The following ELP4 variants were observed in gnomAD, a reference collection of about 807,000 sequenced individuals.
ELP4 encodes the protein elongator acetyltransferase complex subunit 4.
ELP4 carries 51 observed loss-of-function variants against 48.9 expected under a neutral mutation model. The ratio of observed to expected loss-of-function variants is 1.04; its 90% CI spans 0.83 to 1.32. ELP4 has a LOEUF of 1.32. ELP4 is among the 40% of genes most tolerant of loss of function. The pLI, the probability that ELP4 is intolerant of heterozygous loss-of-function variation, is 0.00. For synonymous variants in ELP4, 210 were observed against 189.2 expected, an observed-to-expected ratio of 1.11 and a Z score of -0.90; for missense variants, 519 against 514.6, an observed-to-expected ratio of 1.01 and a Z score of -0.08.
At chr11:31,643,149 C>T (rs1374259105) in intron 7 of ELP4, among the ~76,000 whole-genome samples, 1 of 151,784 alleles carries the variant, frequency 6.6e-6, no homozygotes, top group Non-Finnish European at 1.5e-5. Context: ...ACCACTACAT[C>T]ATGTATTATG....
At chr11:31,604,010 T>C (rs1004239985) in intron 5 of ELP4, 103 bp downstream of exon 5, 14 of 776,982 alleles carry the variant, frequency 1.8e-5, no homozygotes, top group Non-Finnish European at 2.5e-5. Flanking sequence ...GTAAATATCA[T>C]AATAATAAAT....
chr11:31,549,194 C>G (rs373357940), intron 3 of ELP4, among the ~76,000 whole-genome samples: 4 of 151,284 alleles, frequency 2.6e-5, no homozygotes, highest in Non-Finnish European at 5.9e-5. Context: ...TCAGAGTGAA[C>G]AGGCAACCCA....
chr11:31,544,306 A>G (rs142162504), intron 3 of ELP4, among the ~76,000 whole-genome samples: 4,350 of 152,288 alleles, frequency 0.029, 206 homozygotes, highest in African/African-American at 0.099. Context: ...TGAATACTGC[A>G]CTTTTCAGAT....
intron 9 of ELP4, among the ~76,000 whole-genome samples, chr11:31,758,555 A>G (rs1947878973): frequency 1.3e-5 from 2 of 152,180 alleles, no homozygotes; most frequent in African/African-American, 4.8e-5. Flanking sequence ...TGCCCAACCC[A>G]AGTTTTGTCA....
chr11:31,783,340 A>G (rs1425853636), intron 9 of ELP4, 53 bp from the exon 10 acceptor site: 2 of 1,566,034 alleles, frequency 1.3e-6, no homozygotes, highest in South Asian at 2.3e-5. Flanking sequence ...AAGCAAAATT[A>G]ATTTTTTTTC....
At chr11:31,709,486 A>G (rs1267262919) in intron 9 of ELP4, among the ~76,000 whole-genome samples, 2 of 152,140 alleles carry the variant, frequency 1.3e-5, no homozygotes, top group African/African-American at 4.8e-5. Flanking sequence ...CTCTGTAATG[A>G]TACCAAGTCT....
At chr11:31,745,027 G>A (rs1947549799) in intron 9 of ELP4, among the ~76,000 whole-genome samples, 1 of 152,154 alleles carries the variant, frequency 6.6e-6, no homozygotes. Context: ...AAGCTGATAA[G>A]CAACTTCAGC....
At chr11:31,548,265 C>G (rs906670417) in intron 3 of ELP4, among the ~76,000 whole-genome samples, 1 of 152,142 alleles carries the variant, frequency 6.6e-6, no homozygotes, top group Non-Finnish European at 1.5e-5. Context: ...ATCTCCTTAG[C>G]GGATAAGCAA....
At position 31,594,020 on chromosome 11, in the gene ELP4, C is replaced by T. The variant is rs184733718; in HGVS notation, c.382-750C>T. 7.1e-3 allele frequency among the ~76,000 whole-genome samples: 1,081 copies of T among 152,274 alleles called. 9 individuals are homozygous for T. Among genetic ancestry groups the T allele is most frequent in the Non-Finnish European group, 9.9e-3 (675 of 67,990 alleles). ...TTATATTTACTAATCCAATGCCCTA[C>T]ATTATCTTTATGATTCTAATAGAAA... is the stretch of plus-strand genomic sequence containing the variant. On this transcript the variant is annotated intron_variant, in intron 3 of 9. Coordinates refer to ENST00000640961, the MANE Select transcript of ELP4 (RefSeq NM_019040.5).
At chr11:31,756,506 TTGAC>T (rs1947835110) in intron 9 of ELP4, among the ~76,000 whole-genome samples, 1 of 152,212 alleles carries the variant, frequency 6.6e-6, no homozygotes, top group Non-Finnish European at 1.5e-5. Context: ...CCTTTTAAAT[TTGAC>T]TGGAGCAGTA....
chr11:31,550,077 T>C (rs1956817029), intron 3 of ELP4, among the ~76,000 whole-genome samples: 1 of 152,100 alleles, frequency 6.6e-6, no homozygotes, highest in Admixed American at 6.5e-5. Context: ...ATGTCACATG[T>C]ATACATATGT....
chr11:31,742,585 G>A (rs1947480218), intron 9 of ELP4, among the ~76,000 whole-genome samples: 1 of 152,138 alleles, frequency 6.6e-6, no homozygotes, highest in Non-Finnish European at 1.5e-5. Flanking sequence ...AAGAGAGTGG[G>A]GGCCAATATT....
chr11:31,741,673 A>G (rs1319121639), intron 9 of ELP4, among the ~76,000 whole-genome samples: 1 of 152,190 alleles, frequency 6.6e-6, no homozygotes, highest in Non-Finnish European at 1.5e-5. Context: ...CAACAGACCT[A>G]CAGCTGAGGG....
intron 5 of ELP4, among the ~76,000 whole-genome samples, chr11:31,615,111 T>A (rs921859665): frequency 3.3e-5 from 5 of 152,084 alleles, no homozygotes; most frequent in Admixed American, 6.6e-5. Flanking sequence ...TAAGAAGTGA[T>A]AAGTCATCAG....
intron 5 of ELP4, among the ~76,000 whole-genome samples, chr11:31,604,137 T>G (rs921156141): frequency 6.6e-6 from 1 of 151,780 alleles, no homozygotes; most frequent in African/African-American, 2.4e-5. Flanking sequence ...TTTCTCTAAT[T>G]TGCAACTTGA....
At chr11:31,709,109 T>C (rs925138252) in intron 9 of ELP4, among the ~76,000 whole-genome samples, 1 of 152,150 alleles carries the variant, frequency 6.6e-6, no homozygotes, top group Non-Finnish European at 1.5e-5. Context: ...CATTGAATAT[T>C]TTTGGTATTT....
At chr11:31,564,977 G>A (rs543335381) in intron 3 of ELP4, among the ~76,000 whole-genome samples, 1 of 152,158 alleles carries the variant, frequency 6.6e-6, no homozygotes, top group Non-Finnish European at 1.5e-5. Context: ...GGTTGAACTA[G>A]TTTACAGTCC....
Position 31,790,117 on chromosome 11 carries a change from A to C in ELP4, c.*6593A>C, listed in dbSNP as rs948731824. 5 of 779,898 alleles carry C rather than the reference A, an allele frequency of 6.4e-6. No homozygotes were observed. The highest frequency in any genetic ancestry group is 1.8e-5 in the African/African-American group (1 of 55,238). The allele number at this position is 779,898 out of a possible 1,614,324, so 48.3% of individuals were successfully genotyped here. On this transcript the variant is annotated 3_prime_UTR_variant, in exon 10 of 10. Coordinates refer to ENST00000640961, the MANE Select transcript of ELP4 (RefSeq NM_019040.5). ...GTTTACAAAAAAAAAAAAAAAAAAA[A>C]AAACTAATACTTTCTAACATTTTTT... is the stretch of plus-strand genomic sequence containing the variant.
chr11:31,739,147 T>C (rs1947391589), intron 9 of ELP4, among the ~76,000 whole-genome samples: 1 of 151,906 alleles, frequency 6.6e-6, no homozygotes, highest in South Asian at 2.1e-4. Flanking sequence ...TCATGACAAA[T>C]GGGGAATGTT....
Sources: allele counts gnomAD v4.1 joint callset (sites outside exome capture counted in the v4.1 genomes callset), GRCh38; gene constraint gnomAD v4.1.1; transcripts MANE v1.5; gene names NCBI Gene and HGNC (gene_info 2026-07-23, HGNC 2026-07-21).